The following TNS2 variants were observed in gnomAD, a reference collection of about 807,000 sequenced individuals.
TNS2 encodes tensin 2.
In TNS2, 77 loss-of-function variants were observed where a neutral mutation model predicts 155.7. That is an observed-to-expected ratio of 0.49 (90% confidence interval 0.41 to 0.60). The LOEUF (loss-of-function observed/expected upper bound fraction) is 0.60. TNS2 is among the 20% of genes least tolerant of loss of function. The pLI, the probability that TNS2 is intolerant of heterozygous loss-of-function variation, is 0.00. For synonymous variants in TNS2, 726 were observed against 763.9 expected, an observed-to-expected ratio of 0.95 and a Z score of 0.82; for missense variants, 1,703 against 1,868.8, an observed-to-expected ratio of 0.91 and a Z score of 1.64.
In TNS2 at chr12:53,064,284, C is replaced by G. The variant is rs558490281; in HGVS notation, c.*402C>G. The G allele has an allele frequency of 5.0e-5, 10 of 199,426 alleles. No homozygotes were observed. The East Asian group carries it at 1.3e-3, about 26-fold the overall frequency. The allele number at this position is 199,426 out of a possible 1,614,324, so 12.4% of individuals were successfully genotyped here. ...GGTGGGGAGCGAGTCACTGCCTCCT[C>G]TGAGCAGAGATTCAGAGTAGGATCA... On this transcript the variant is annotated 3_prime_UTR_variant, in exon 29 of 29. Coordinates refer to ENST00000314250, the MANE Select transcript of TNS2 (RefSeq NM_170754.4).
chr12:53,055,607 C>G lies in TNS2; in HGVS notation c.613C>G (p.Leu205Val), dbSNP rs1405615697. The G allele has an allele frequency of 6.2e-7, 1 of 1,613,114 alleles. No individual in the cohort carries two copies. Among genetic ancestry groups the G allele is most frequent in the African/African-American group, 1.3e-5 (1 of 74,934 alleles). ...FGWPELHAPP[L>V]DKLCSICKAM... ...CTGGCCTGAGCTGCATGCTCCACCC[C>G]TGGACAAGCTGTGCTCCATCTGCAA... is the stretch of plus-strand genomic sequence containing the variant. The change falls in exon 9 of 29, where the codon CTG becomes GTG. Residue 205 changes from leucine (L) to valine (V), a missense_variant. Physicochemically the swap from Leu to Val is conservative, Grantham distance 32. Transcript: ENST00000314250.
rs1479669337 is a variant in TNS2 at position 53,063,972 on chromosome 12, CCCAGGAGAA to C, written c.*91_*99del. Reference sequence around the variant, plus strand: ...CATCCCCTGGCCTGGACCCAGGAGACCCAGGAGAAAGCACCCTCCCTTAGGAATGAGGAG... The same window carrying C: ...CATCCCCTGGCCTGGACCCAGGAGACAGCACCCTCCCTTAGGAATGAGGAG... On this transcript the variant is annotated 3_prime_UTR_variant, in exon 29 of 29. Coordinates refer to ENST00000314250, the MANE Select transcript of TNS2 (RefSeq NM_170754.4). This position sits in a 1 kb window ranked among gnomAD's most constrained non-coding sequence, Gnocchi z 5.6. 18 of 1,462,380 alleles carry C rather than the reference CCCAGGAGAA, an allele frequency of 1.2e-5. No homozygotes were observed. The highest frequency in any genetic ancestry group is 1.9e-4 in the Middle Eastern group (1 of 5,136). The allele number at this position is 1,462,380 out of a possible 1,614,324, so 90.6% of individuals were successfully genotyped here.
At position 53,054,368 on chromosome 12, in the gene TNS2, A is replaced by C. The variant is rs960912295; in HGVS notation, c.449A>C (p.Asp150Ala). 2 of 1,612,506 alleles carry C rather than the reference A, an allele frequency of 1.2e-6. No individual in the cohort carries two copies. The highest frequency in any genetic ancestry group is 1.7e-6 in the Non-Finnish European group (2 of 1,179,762). ...GCCGCCGCCTTCCCCGCGCGGCCCG[A>C]TGAACAGCGGCACCGGGGCCACCTG... is the stretch of plus-strand genomic sequence containing the variant. The part of the protein sequence containing the change: ...ILAAAFPARP[D>A]EQRHRGHLRE... Residue 150 changes from aspartate (D) to alanine (A), a missense_variant, in exon 7 of 29, where the codon GAT becomes GCT. Asp to Ala is a moderately radical substitution (Grantham distance 126). Transcript: ENST00000314250.
Position 53,059,579 on chromosome 12 carries a change from G to T in TNS2, c.1938G>T (p.Ser646=). 1.2e-6 allele frequency: 2 copies of T among 1,602,716 alleles called. No individual in the cohort carries two copies. Among genetic ancestry groups the T allele is most frequent in the East Asian group, 2.2e-5 (1 of 44,772 alleles). Reference sequence around the variant, plus strand: ...TGGAGAAGAGGCGCCTCTGCCGATCGCTGTCAGAGGGGCTATACCCCTACC... The same window carrying T: ...TGGAGAAGAGGCGCCTCTGCCGATCTCTGTCAGAGGGGCTATACCCCTACC... ...ASMEKRRLCR[S]LSEGLYPYPP... Residue 646 remains serine, a synonymous_variant, in exon 18 of 29, where the codon TCG becomes TCT. Coordinates refer to ENST00000314250, the MANE Select transcript of TNS2 (RefSeq NM_170754.4). The surrounding 1 kb of genome is among the most constrained non-coding windows in gnomAD (Gnocchi z 4.7).
chr12:53,052,089 C>A, intron 2 of TNS2, 126 bp downstream of exon 2: 1 of 824,128 alleles, frequency 1.2e-6, no homozygotes, highest in East Asian at 2.7e-5. Context: ...ACAATGGCAG[C>A]TAAGAAGCAG....
Position 53,059,556 on chromosome 12 carries a change from G to A in TNS2, c.1915G>A (p.Glu639Lys). 1 of 1,596,114 alleles carries A rather than the reference G, an allele frequency of 6.3e-7. No individual in the cohort carries two copies. The highest frequency in any genetic ancestry group is 1.3e-5 in the African/African-American group (1 of 74,326). ...CCAGGGCTACGCCGAGGCCTCGATG[G>A]AGAAGAGGCGCCTCTGCCGATCGCT... Reference protein sequence around the residue: ...SPQGYAEASMEKRRLCRSLSE... With the variant: ...SPQGYAEASMKKRRLCRSLSE... Residue 639 changes from glutamate to lysine, a missense_variant, in exon 18 of 29, where the codon GAG becomes AAG. Coordinates refer to ENST00000314250, the MANE Select transcript of TNS2 (RefSeq NM_170754.4). This position sits in a 1 kb window ranked among gnomAD's most constrained non-coding sequence, Gnocchi z 4.7.
Position 53,059,372 on chromosome 12 carries a change from C to T in TNS2, c.1731C>T (p.His577=). ...AGCCCACTGTGGGCGGAGGCCCCCA[C>T]CTCGGAGTGTATCCAGGCCATAGGC... is the stretch of plus-strand genomic sequence containing the variant. ...EEQPTVGGGP[H]LGVYPGHRPG... is the part of the protein sequence containing the mutation. Residue 577 remains histidine, a synonymous_variant, in exon 18 of 29, where the codon CAC becomes CAT. Coordinates refer to ENST00000314250, the MANE Select transcript of TNS2 (RefSeq NM_170754.4). This position sits in a 1 kb window ranked among gnomAD's most constrained non-coding sequence, Gnocchi z 4.7. The T allele has an allele frequency of 1.4e-6, 2 of 1,457,194 alleles. No homozygotes were observed. Among genetic ancestry groups the T allele is most frequent in the Non-Finnish European group, 1.8e-6 (2 of 1,105,850 alleles). The allele number at this position is 1,457,194 out of a possible 1,614,324, so 90.3% of individuals were successfully genotyped here.
chr12:53,052,497 G>C lies in TNS2; in HGVS notation c.222+5G>C. 6.2e-7 allele frequency: 1 copy of C among 1,613,958 alleles called. No individual in the cohort carries two copies. The highest frequency in any genetic ancestry group is 8.5e-7 in the Non-Finnish European group (1 of 1,179,908). On this transcript the variant is annotated splice_donor_5th_base_variant and intron_variant, in intron 3 of 28. Coordinates refer to ENST00000314250, the MANE Select transcript of TNS2 (RefSeq NM_170754.4). The stretch of plus-strand genomic sequence containing the variant: ...CACAGAAAATGTGAAGCAAAGGTGG[G>C]TATCTGATTCTACCTGATAGGGGGA...
chr12:53,062,978 ACC>A (rs1278849042), intron 25 of TNS2, 109 bp from the exon 26 acceptor site: 89 of 1,386,138 alleles, frequency 6.4e-5, no homozygotes, highest in Non-Finnish European at 8.4e-5. Flanking sequence ...TTAACAAGTC[ACC>A]TATGTGATTG....
upstream of TNS2, among the ~76,000 whole-genome samples, chr12:53,047,414 G>A (rs2121028219): frequency 6.9e-6 from 1 of 145,912 alleles, no homozygotes; most frequent in African/African-American, 2.4e-5. Flanking sequence ...CGGTCTCTGC[G>A]TCACGGCCGC....
chr12:53,049,535 G>C (rs528970555), upstream of TNS2, among the ~76,000 whole-genome samples: 1 of 152,152 alleles, frequency 6.6e-6, no homozygotes, highest in Non-Finnish European at 1.5e-5. Flanking sequence ...TGAGGGTAAA[G>C]GTGGGCGGTG....
chr12:53,051,946 C>G lies in TNS2; in HGVS notation c.167C>G (p.Thr56Arg). 6.2e-7 allele frequency: 1 copy of G among 1,613,302 alleles called. No homozygotes were observed. Among genetic ancestry groups the G allele is most frequent in the Non-Finnish European group, 8.5e-7 (1 of 1,179,634 alleles). ...GTATGTAAGGTGACCATCGATGGGACAGGCGTTTCGTGCAGAGGTGAGGCT... is the reference window on the plus strand; with the variant it reads ...GTATGTAAGGTGACCATCGATGGGAGAGGCGTTTCGTGCAGAGGTGAGGCT... The part of the protein sequence containing the change: ...CAVCKVTIDG[T>R]GVSCRVCKVA... Residue 56 changes from threonine to arginine, a missense_variant, in exon 2 of 29, where the codon ACA (threonine) becomes AGA (arginine). By Grantham distance (71) the Thr-to-Arg change is moderately conservative. Coordinates refer to ENST00000314250, the MANE Select transcript of TNS2 (RefSeq NM_170754.4).
At chr12:53,054,213 A>T in intron 6 of TNS2, 57 bp from the exon 7 acceptor site, 1 of 1,607,898 alleles carries the variant, frequency 6.2e-7, no homozygotes, top group Non-Finnish European at 8.5e-7. Context: ...TTCCCGTCAC[A>T]CTAGCCACCT....
chr12:53,057,709 G>A, intron 12 of TNS2, 30 bp downstream of exon 12: 2 of 1,613,952 alleles, frequency 1.2e-6, no homozygotes, highest in Non-Finnish European at 8.5e-7. Flanking sequence ...GCTCCCTAGG[G>A]AGAACCACCT....
In TNS2 at chr12:53,050,209, G is replaced by A. The variant is rs376111662; in HGVS notation, c.24G>A (p.Glu8=). 1 of 1,611,122 alleles carries A rather than the reference G, an allele frequency of 6.2e-7. No individual in the cohort carries two copies. The highest frequency in any genetic ancestry group is 1.3e-5 in the African/African-American group (1 of 74,898). The change falls in exon 1 of 29, where the codon GAG becomes GAA. Residue 8 remains glutamate, a synonymous_variant. Coordinates refer to ENST00000314250, the MANE Select transcript of TNS2 (RefSeq NM_170754.4). The surrounding 1 kb of genome is among the most constrained non-coding windows in gnomAD (Gnocchi z 4.7). ...CCATGAAGTCCAGCGGCCCTGTGGA[G>A]AGGCTGCTCAGAGCCCTGGGGAGGA... MKSSGPV[E]RLLRALGRRD...
At chr12:53,049,295 T>C (rs769963182), upstream of TNS2, 3 of 1,520,130 alleles carry the variant, frequency 2.0e-6, no homozygotes, top group Non-Finnish European at 2.7e-6. Flanking sequence ...GTGCAGCCCT[T>C]GGGTAGAGAG....
upstream of TNS2, among the ~76,000 whole-genome samples, chr12:53,048,113 T>C (rs1592237070): frequency 6.6e-6 from 1 of 152,064 alleles, no homozygotes; most frequent in Admixed American, 6.5e-5. Flanking sequence ...TTCCCAGCCC[T>C]CCTCAAGTGA....
At chr12:53,048,364 C>A (rs192817372), upstream of TNS2, among the ~76,000 whole-genome samples, 1 of 152,342 alleles carries the variant, frequency 6.6e-6, no homozygotes, top group East Asian at 1.9e-4. Flanking sequence ...CCTATGGAGG[C>A]AGCAGGAGAG....
chr12:53,060,180 G>A lies in TNS2; in HGVS notation c.2539G>A (p.Glu847Lys), dbSNP rs561807912. 8.1e-5 allele frequency: 130 copies of A among 1,602,262 alleles called. 1 individual carries two copies. The highest frequency in any genetic ancestry group is 6.3e-4 in the South Asian group (57 of 89,844). The change falls in exon 18 of 29, where the codon GAG becomes AAG. Residue 847 changes from glutamate to lysine, a missense_variant. Transcript: ENST00000314250. The surrounding 1 kb of genome is among the most constrained non-coding windows in gnomAD (Gnocchi z 6.1). ...TCCACAATCTAGGAAGCTGAGCTAC[G>A]AGATCCCTACGGAGGAGGGAGGGGA... The part of the protein sequence containing the change: ...PYPQSRKLSY[E>K]IPTEEGGDRY...
Sources: allele counts gnomAD v4.1 joint callset (sites outside exome capture counted in the v4.1 genomes callset), GRCh38; gene constraint gnomAD v4.1.1; non-coding constraint Gnocchi (gnomAD v3.1); transcripts MANE v1.5; gene names NCBI Gene and HGNC (gene_info 2026-07-23, HGNC 2026-07-21).